The following CADPS2 variants were observed in gnomAD, a reference collection of about 807,000 sequenced individuals.
The protein encoded by CADPS2 is calcium-dependent secretion activator 2.
CADPS2 carries 93 observed loss-of-function variants against 172.5 expected under a neutral mutation model. The ratio of observed to expected loss-of-function variants is 0.54; its 90% confidence interval spans 0.46 to 0.64. The LOEUF is 0.64. CADPS2 is among the 30% of genes least tolerant of loss of function. The pLI is 0.00. For synonymous variants in CADPS2, 546 were observed against 555.2 expected (o/e 0.98, Z 0.23); for missense variants, 1,420 against 1,565.9 (o/e 0.91, Z 1.57).
intron 27 of CADPS2, among the ~76,000 whole-genome samples, chr7:122,352,362 T>A (rs2038798840): frequency 6.6e-6 from 1 of 151,804 alleles, no homozygotes; most frequent in South Asian, 2.1e-4. Flanking sequence ...ATTTTTAGCT[T>A]TTAAAGTTTA....
chr7:122,366,604 CAA>C (rs572586698), intron 25 of CADPS2, among the ~76,000 whole-genome samples: 139 of 116,750 alleles, frequency 1.2e-3, no homozygotes, highest in African/African-American at 4.7e-3. Context: ...GACTCCATCT[CAA>C]AAATACACAC....
chr7:122,521,640 G>A (rs979906928), intron 8 of CADPS2, among the ~76,000 whole-genome samples: 2 of 151,980 alleles, frequency 1.3e-5, no homozygotes, highest in African/African-American at 4.8e-5. Context: ...GGGGATGCAT[G>A]GAAAGGATCT....
chr7:122,327,888 A>G (rs1441478939), intron 28 of CADPS2, among the ~76,000 whole-genome samples: 1 of 152,034 alleles, frequency 6.6e-6, no homozygotes, highest in Non-Finnish European at 1.5e-5. Context: ...GAAGGACAAT[A>G]AATTGTTCTA....
chr7:122,377,024 C>T (rs1238585688), intron 25 of CADPS2, among the ~76,000 whole-genome samples: 1 of 152,054 alleles, frequency 6.6e-6, no homozygotes, highest in Non-Finnish European at 1.5e-5. Flanking sequence ...TTATTTTATA[C>T]TTTTCAACCA....
At position 122,319,954 on chromosome 7, in the gene CADPS2, C is replaced by A. The variant is rs200534497; in HGVS notation, c.*211G>T. ...AAGAGGATGCTCTTCTCCAAAAAAA[C>A]AAACAAACAAACAAACAAAAAAAGG... On this transcript the variant is annotated 3_prime_UTR_variant, in exon 30 of 30. Transcript: ENST00000449022. The A allele has an allele frequency of 2.5e-5, 4 of 159,400 alleles. No homozygotes were observed. Among genetic ancestry groups the A allele is most frequent in the Non-Finnish European group, 4.3e-5 (4 of 93,088 alleles). The allele number at this position is 159,400 out of a possible 1,614,324, so 9.9% of individuals were successfully genotyped here.
intron 1 of CADPS2, among the ~76,000 whole-genome samples, chr7:122,811,620 G>A (rs2501456): frequency 0.055 from 8,388 of 152,048 alleles, 771 homozygotes; most frequent in African/African-American, 0.19. Context: ...GAAAACCCAT[G>A]TATCTATAAT....
At chr7:122,613,538 C>T (rs975640179) in intron 6 of CADPS2, among the ~76,000 whole-genome samples, 17 of 152,116 alleles carry the variant, frequency 1.1e-4, no homozygotes, top group African/African-American at 4.1e-4. Flanking sequence ...GAATGTATCC[C>T]TGCTGTTAAG....
intron 2 of CADPS2, chr7:122,701,780 A>T: frequency 8.4e-7 from 1 of 1,191,758 alleles, no homozygotes; most frequent in Non-Finnish European, 1.2e-6. Context: ...AATTTATCTA[A>T]TCTTTGTATT....
chr7:122,365,808 T>A (rs1368366405), intron 25 of CADPS2, among the ~76,000 whole-genome samples: 1 of 152,224 alleles, frequency 6.6e-6, no homozygotes, highest in Non-Finnish European at 1.5e-5. Context: ...GAAGGAAACA[T>A]GAAGAGTGCT....
chr7:122,822,176 GCTGAATCT>G (rs1342936659), intron 1 of CADPS2, among the ~76,000 whole-genome samples: 1 of 151,052 alleles, frequency 6.6e-6, no homozygotes, highest in Non-Finnish European at 1.5e-5. Flanking sequence ...GCAGGACTAT[GCTGAATCT>G]CCTTAGGCAC....
At chr7:122,651,273 A>G (rs1389922295) in intron 3 of CADPS2, among the ~76,000 whole-genome samples, 2 of 151,614 alleles carry the variant, frequency 1.3e-5, no homozygotes, top group African/African-American at 2.4e-5. Context: ...AAAAAAAAAA[A>G]AAGAAGACAG....
chr7:122,884,082 T>G (rs1022621661), intron 1 of CADPS2, among the ~76,000 whole-genome samples: 4 of 152,130 alleles, frequency 2.6e-5, no homozygotes, highest in African/African-American at 9.7e-5. Context: ...ATAAATCAAC[T>G]CATAGTAAAT....
chr7:122,637,208 T>TTCTC lies in CADPS2; in HGVS notation c.787-7881_787-7880insGAGA, dbSNP rs778963218. ...TTTTTTTTTTTTTTTTTTTTTTTTT[T>TTCTC]CCTGAGACAGGGTCTCACTCTGTGG... On this transcript the variant is annotated intron_variant, in intron 3 of 29. Coordinates refer to ENST00000449022, the MANE Select transcript of CADPS2 (RefSeq NM_017954.11). Among the ~76,000 whole-genome samples, 28 of 62,694 alleles carry TTCTC rather than the reference T, an allele frequency of 4.5e-4. 2 individuals carry two copies. Among genetic ancestry groups the TTCTC allele is most frequent in the African/African-American group, 1.7e-3 (28 of 16,070 alleles). 41.1% of individuals were successfully genotyped at this position (62,694 alleles called of 152,430 possible).
intron 17 of CADPS2, chr7:122,436,459 T>A: frequency 1.4e-6 from 1 of 720,940 alleles, no homozygotes; most frequent in Non-Finnish European, 2.0e-6. Context: ...GGCCACTTTC[T>A]AACTTAAGTT....
chr7:122,687,275 G>C (rs564862621), intron 2 of CADPS2, among the ~76,000 whole-genome samples: 1 of 152,012 alleles, frequency 6.6e-6, no homozygotes, highest in East Asian at 1.9e-4. Flanking sequence ...TTGAGATCAC[G>C]TAAGGTATCA....
intron 3 of CADPS2, among the ~76,000 whole-genome samples, chr7:122,649,897 G>GTTTTTTTT (rs1588128117): frequency 8.7e-5 from 4 of 46,072 alleles, no homozygotes; most frequent in Non-Finnish European, 1.8e-4. Context: ...AGTATTCAAT[G>GTTTTTTTT]ATTTTTTTTT....
chr7:122,870,923 T>C (rs1819587047), intron 1 of CADPS2, among the ~76,000 whole-genome samples: 1 of 152,076 alleles, frequency 6.6e-6, no homozygotes, highest in South Asian at 2.1e-4. Context: ...TACAAAATGT[T>C]AACAGGAAAC....
chr7:122,532,045 CA>C (rs2061805474), intron 8 of CADPS2, among the ~76,000 whole-genome samples: 2 of 144,368 alleles, frequency 1.4e-5, no homozygotes, highest in East Asian at 2.0e-4. Context: ...AAAAAAAAAA[CA>C]AAACAAACAA....
intron 14 of CADPS2, among the ~76,000 whole-genome samples, chr7:122,461,084 C>T (rs1431511185): frequency 6.6e-6 from 1 of 152,162 alleles, no homozygotes; most frequent in Non-Finnish European, 1.5e-5. Context: ...TGTATAGTTA[C>T]AAAGCCCAAA....
Sources: allele counts gnomAD v4.1 joint callset (sites outside exome capture counted in the v4.1 genomes callset), GRCh38; gene constraint gnomAD v4.1.1; transcripts MANE v1.5; gene names NCBI Gene and HGNC (gene_info 2026-07-23, HGNC 2026-07-21).